The following LIG3 variants were observed in gnomAD, a reference collection of about 807,000 sequenced individuals.
LIG3 encodes the protein DNA ligase 3.
In LIG3, 58 loss-of-function variants were observed where a neutral mutation model predicts 110.9. The ratio of observed to expected loss-of-function variants is 0.52; its 90% confidence interval spans 0.42 to 0.65. LIG3 has a LOEUF of 0.65. Ranked by LOEUF, LIG3 falls within the 30% of genes least tolerant of loss-of-function variation. LIG3 has a pLI of 0.00. For missense variants in LIG3, 1,094 were observed against 1,273.8 expected, an observed-to-expected ratio of 0.86 and a Z score of 2.15; for synonymous variants, 422 against 472.8, an observed-to-expected ratio of 0.89 and a Z score of 1.39.
At chr17:34,996,965 T>G (rs896684753) in intron 11 of LIG3, 4 of 319,042 alleles carry the variant, frequency 1.3e-5, no homozygotes, top group Non-Finnish European at 2.4e-5. Flanking sequence ...AATGGACTAT[T>G]GCAGAGAAAT....
chr17:35,003,120 A>G (rs2090862280), intron 19 of LIG3: 10 of 1,602,466 alleles, frequency 6.2e-6, no homozygotes, highest in Non-Finnish European at 8.5e-6. Flanking sequence ...AATTTACATT[A>G]AAGGGAAAAG....
Position 34,983,103 on chromosome 17 carries a change from G to C in LIG3, c.98G>C (p.Arg33Thr). ...CGAAAACATCACTGGCGTGATGTAA[G>C]ACAATTCAGCCAGTGGTCAGAAACA... is the stretch of plus-strand genomic sequence containing the variant. Reference protein sequence around the residue: ...LFRKHHWRDVRQFSQWSETDL... With the variant: ...LFRKHHWRDVTQFSQWSETDL... Residue 33 changes from arginine (R) to threonine (T), a missense_variant, in exon 2 of 20, where the codon AGA becomes ACA. Arg to Thr is a moderately conservative substitution (Grantham distance 71, BLOSUM62 -1). Coordinates refer to ENST00000378526, the MANE Select transcript of LIG3 (RefSeq NM_013975.4). 6.2e-7 allele frequency: 1 copy of C among 1,613,982 alleles called. No individual in the cohort carries two copies. Among genetic ancestry groups the C allele is most frequent in the Non-Finnish European group, 8.5e-7 (1 of 1,179,986 alleles).
chr17:35,000,884 G>A (rs2090833830), intron 16 of LIG3, among the ~76,000 whole-genome samples: 1 of 151,606 alleles, frequency 6.6e-6, no homozygotes, highest in Admixed American at 6.6e-5. Context: ...AAAGTGCTGG[G>A]ATTACAGATG....
chr17:35,004,796 C>T lies in LIG3; in HGVS notation c.*290C>T, dbSNP rs1261171305. 5.2e-6 allele frequency: 2 copies of T among 385,622 alleles called. No individual in the cohort carries two copies. The highest frequency in any genetic ancestry group is 4.3e-5 in the Admixed American group (1 of 23,250). The allele number at this position is 385,622 out of a possible 1,614,324, so 23.9% of individuals were successfully genotyped here. On this transcript the variant is annotated 3_prime_UTR_variant, in exon 20 of 20. Coordinates refer to ENST00000378526, the MANE Select transcript of LIG3 (RefSeq NM_013975.4). ...GTTACCCTTTTTATAAATAAAATATCTTGCAGTTATCTTTGTCCTTTCCCC... is the reference window on the plus strand; with the variant it reads ...GTTACCCTTTTTATAAATAAAATATTTTGCAGTTATCTTTGTCCTTTCCCC...
rs886302705 is a variant in LIG3 at position 34,994,540 on chromosome 17, G to T, written c.1611+109G>T. The T allele has an allele frequency of 6.2e-6, 7 of 1,122,412 alleles. No homozygotes were observed. The Admixed American group carries it at 1.6e-4, about 25-fold the overall frequency. 69.5% of individuals were successfully genotyped at this position (1,122,412 alleles called of 1,614,324 possible). On this transcript the variant is annotated intron_variant, in intron 9 of 19. Transcript: ENST00000378526. ...CAGCTGTGGTACACAATAAGGGTTT[G>T]TTTTTTATTTGTTGAATGAATTAAT...
chr17:34,985,823 C>CAAT, intron 2 of LIG3, 165 bp from the exon 3 acceptor site: 1 of 587,690 alleles, frequency 1.7e-6, no homozygotes, highest in Non-Finnish European at 3.0e-6. Context: ...TACCCTATTA[C>CAAT]CTACTACCCC....
At chr17:34,989,260 A>T (rs2090691477) in intron 3 of LIG3, among the ~76,000 whole-genome samples, 1 of 152,112 alleles carries the variant, frequency 6.6e-6, no homozygotes. Flanking sequence ...TTCCTTTAAC[A>T]TTATTTATTA....
chr17:34,999,146 C>T (rs1597800832), intron 14 of LIG3, 161 bp from the exon 15 acceptor site: 3 of 765,548 alleles, frequency 3.9e-6, no homozygotes, highest in African/African-American at 3.5e-5. Context: ...GAAATTGGGG[C>T]TTATAAAGGT....
rs1271038919 is a variant in LIG3, at chr17:34,992,521, C to T, written c.1287-3C>T. 5.7e-6 allele frequency: 9 copies of T among 1,578,306 alleles called. No homozygotes were observed. The South Asian group carries it at 7.0e-5, about 12-fold the overall frequency. ...GTTTCCTTGTTCCTGTACCCCTTGG[C>T]AGGTTAGACGCCCTTGACCCCAATG... On this transcript the variant is annotated splice_polypyrimidine_tract_variant and splice_region_variant and intron_variant, in intron 7 of 19. Coordinates refer to ENST00000378526, the MANE Select transcript of LIG3 (RefSeq NM_013975.4).
rs1299738801 is a variant in LIG3 at position 34,991,963 on chromosome 17, C to T, written c.1214C>T (p.Thr405Ile). The T allele has an allele frequency of 3.7e-6, 6 of 1,613,968 alleles. No homozygotes were observed. The highest frequency in any genetic ancestry group is 1.3e-5 in the African/African-American group (1 of 74,936). ...QALQDIASRC[T>I]ANDLKCIIRL... ...AATGTGCTTCATCCCCCTAGGTGTA[C>T]AGCCAATGACCTTAAATGCATCATC... The change falls in exon 7 of 20, where the codon ACA becomes ATA. Residue 405 changes from threonine (T) to isoleucine (I), a missense_variant. By Grantham distance (89) the Thr-to-Ile change is moderately conservative. Coordinates refer to ENST00000378526, the MANE Select transcript of LIG3 (RefSeq NM_013975.4).
chr17:35,004,041 G>C, intron 19 of LIG3: 1 of 538,312 alleles, frequency 1.9e-6, no homozygotes, highest in Non-Finnish European at 3.4e-6. Context: ...GGTCCCAGAT[G>C]TCGAGGCCTG....
At chr17:34,989,730 G>C in intron 4 of LIG3, 67 bp downstream of exon 4, 1 of 1,457,532 alleles carries the variant, frequency 6.9e-7, no homozygotes, top group Non-Finnish European at 9.6e-7. Flanking sequence ...GCCTTCCTGG[G>C]CATGTGAGCT....
rs752503412 is a variant in LIG3 at position 34,998,266 on chromosome 17, A to G, written c.1959A>G (p.Gly653=). The G allele has an allele frequency of 6.2e-7, 1 of 1,613,552 alleles. No homozygotes were observed. Among genetic ancestry groups the G allele is most frequent in the East Asian group, 2.2e-5 (1 of 44,874 alleles). The part of the protein sequence containing the change: ...ADMITRVIQE[G]LEGLVLKDVK... ...TGATAACCCGGGTGATCCAGGAGGG[A>G]TTGGAGGGGCTGGTGCTGAAGGATG... The change falls in exon 13 of 20, where the codon GGA becomes GGG. Residue 653 remains glycine, a synonymous_variant. Transcript: ENST00000378526.
chr17:34,989,620 G>A lies in LIG3; in HGVS notation c.846G>A (p.Lys282=), dbSNP rs576492257. ...MVADNPSYNT[K]TQIIQDFLRK... is the part of the protein sequence containing the mutation. ...CCGATAATCCTAGCTACAACACGAA[G>A]ACCCAGATCATCCAGGACTTCCTTC... The change falls in exon 4 of 20, where the codon AAG becomes AAA. Residue 282 remains lysine (K), a synonymous_variant. Coordinates refer to ENST00000378526, the MANE Select transcript of LIG3 (RefSeq NM_013975.4). The A allele has an allele frequency of 9.3e-6, 15 of 1,614,146 alleles. No individual in the cohort carries two copies. The South Asian group carries it at 1.6e-4, about 18-fold the overall frequency.
chr17:34,991,864 T>C (rs2090724823), intron 6 of LIG3, 27 bp downstream of exon 6: 3 of 1,614,004 alleles, frequency 1.9e-6, no homozygotes, highest in Middle Eastern at 1.6e-4. Context: ...CGTCAAACCA[T>C]GCCCATAGAG....
intron 10 of LIG3, 56 bp from the exon 11 acceptor site, chr17:34,996,518 T>C (rs1452920206): frequency 3.5e-6 from 5 of 1,426,386 alleles, no homozygotes; most frequent in Non-Finnish European, 4.9e-6. Context: ...GTACTCCTTA[T>C]TTTTTCACAC....
chr17:35,009,172 C>T lies in LIG3; in HGVS notation c.*4666C>T, dbSNP rs777975048. 1 of 152,626 alleles carries T rather than the reference C, an allele frequency of 6.6e-6. No homozygotes were observed. The highest frequency in any genetic ancestry group is 1.5e-5 in the Non-Finnish European group (1 of 68,038). 9.5% of individuals were successfully genotyped at this position (152,626 alleles called of 1,614,324 possible). ...AGCAGAGCTCTGTAACAAAATAATA[C>T]ACATTTGGGTTTGCTTTAACCTCCA... On this transcript the variant is annotated 3_prime_UTR_variant, in exon 20 of 20. Transcript: ENST00000378526.
intron 8 of LIG3, among the ~76,000 whole-genome samples, chr17:34,993,847 A>G (rs1327079794): frequency 6.6e-6 from 1 of 152,122 alleles, no homozygotes; most frequent in East Asian, 1.9e-4. Flanking sequence ...GTAGGGACCC[A>G]CGATCACTCA....
In LIG3 at chr17:34,980,564, C is replaced by G. The variant is rs577824677; in HGVS notation, c.-63C>G. 3.1e-6 allele frequency: 4 copies of G among 1,287,664 alleles called. No homozygotes were observed. Among genetic ancestry groups the G allele is most frequent in the Admixed American group, 2.3e-5 (1 of 43,378 alleles). 79.8% of individuals were successfully genotyped at this position (1,287,664 alleles called of 1,614,324 possible). Reference sequence around the variant, plus strand: ...GGCGCTCCAACCGTCGTGGGCTGCCCGCGGCCTGTAATGAGCAAGTTCCGA... The same window carrying G: ...GGCGCTCCAACCGTCGTGGGCTGCCGGCGGCCTGTAATGAGCAAGTTCCGA... On this transcript the variant is annotated 5_prime_UTR_variant, in exon 1 of 20. Coordinates refer to ENST00000378526, the MANE Select transcript of LIG3 (RefSeq NM_013975.4).
Sources: gnomAD v4.1 joint callset for allele counts (sites outside exome capture counted in the v4.1 genomes callset) on GRCh38, gnomAD v4.1.1 for gene constraint, MANE v1.5 for transcripts, NCBI Gene and HGNC (gene_info 2026-07-23, HGNC 2026-07-21) for gene names.